WIF1: variants seen among roughly 807,000 people sequenced by gnomAD.
The protein encoded by WIF1 is Wnt inhibitory factor 1.
In WIF1, 35 loss-of-function variants were observed where a neutral mutation model predicts 53.5. The ratio of observed to expected loss-of-function variants is 0.65; its 90% CI spans 0.50 to 0.87. WIF1 has a LOEUF of 0.87. WIF1 is among the 40% of genes least tolerant of loss of function. The pLI, the probability that WIF1 is intolerant of heterozygous loss-of-function variation, is 0.00. For missense variants in WIF1, 467 were observed against 476.8 expected, an observed-to-expected ratio of 0.98 and a Z score of 0.19; for synonymous variants, 171 against 170.4, an observed-to-expected ratio of 1.00 and a Z score of -0.03.
chr12:65,063,905 G>T (rs921661979), intron 6 of WIF1, among the ~76,000 whole-genome samples: 1 of 151,924 alleles, frequency 6.6e-6, no homozygotes, highest in African/African-American at 2.4e-5. Flanking sequence ...CTGTATAGAT[G>T]GAGTCTTGCT....
intron 4 of WIF1, 94 bp downstream of exon 4, chr12:65,068,670 T>C: frequency 5.1e-6 from 7 of 1,362,506 alleles, no homozygotes; most frequent in Non-Finnish European, 2.0e-6. Context: ...TGTGTGTGTG[T>C]GTGTGTGTGT....
chr12:65,071,690 C>A (rs906549495), intron 3 of WIF1, among the ~76,000 whole-genome samples: 2 of 152,048 alleles, frequency 1.3e-5, no homozygotes, highest in Non-Finnish European at 2.9e-5. Flanking sequence ...ATCCCATCAG[C>A]CCAGGTATAT....
chr12:65,057,894 C>A (rs1360463287), intron 7 of WIF1, among the ~76,000 whole-genome samples: 1 of 152,068 alleles, frequency 6.6e-6, no homozygotes, highest in Non-Finnish European at 1.5e-5. Context: ...GGACTTTATT[C>A]ATATATAAGT....
At chr12:65,114,076 A>G (rs796854210) in intron 2 of WIF1, among the ~76,000 whole-genome samples, 1 of 152,220 alleles carries the variant, frequency 6.6e-6, no homozygotes. Flanking sequence ...AATAAGTGTT[A>G]CCATAACTGC....
chr12:65,092,105 A>T (rs1883131391), intron 2 of WIF1, among the ~76,000 whole-genome samples: 1 of 152,188 alleles, frequency 6.6e-6, no homozygotes, highest in Admixed American at 6.6e-5. Context: ...CTATGCAGCC[A>T]TAAAAAAGAA....
chr12:65,071,385 G>T (rs1330742982), intron 3 of WIF1, among the ~76,000 whole-genome samples: 3 of 152,036 alleles, frequency 2.0e-5, no homozygotes, highest in Non-Finnish European at 4.4e-5. Flanking sequence ...GGGAACAAAA[G>T]CGAGGTTGCA....
chr12:65,075,591 A>G lies in WIF1; in HGVS notation c.397+2155T>C, dbSNP rs552192055. On this transcript the variant is annotated intron_variant, in intron 3 of 9. Transcript: ENST00000286574. ...AATCAATTCAACTTCTCATGTAAGA[A>G]AAGTTAATGACTCAAAAATAATTCA... Among the ~76,000 whole-genome samples the G allele has an allele frequency of 3.4e-3, 513 of 152,332 alleles. 2 individuals are homozygous for G. Among genetic ancestry groups the G allele is most frequent in the African/African-American group, 0.012 (495 of 41,582 alleles).
chr12:65,093,746 G>C (rs1883159985), intron 2 of WIF1, among the ~76,000 whole-genome samples: 1 of 152,106 alleles, frequency 6.6e-6, no homozygotes, highest in South Asian at 2.1e-4. Flanking sequence ...TGTGATGAGA[G>C]AAAGTTCCCG....
chr12:65,062,598 G>A (rs182864476), intron 6 of WIF1, 22 bp from the exon 7 acceptor site: 17 of 1,586,600 alleles, frequency 1.1e-5, no homozygotes, highest in Non-Finnish European at 1.5e-5. Flanking sequence ...AGTAACAGGG[G>A]TGTTGCATTA....
rs945096764 is a variant in WIF1 at position 65,055,146 on chromosome 12, T to C, written c.990A>G (p.Glu330=). The change falls in exon 9 of 10, where the codon GAA becomes GAG. Residue 330 remains glutamate (E), a synonymous_variant. Coordinates refer to ENST00000286574, the MANE Select transcript of WIF1 (RefSeq NM_007191.5). The part of the protein sequence containing the change: ...CHEPNKCQCQ[E]GWHGRHCNKR... ...TATTGCAGTGTCTTCCATGCCAACC[T>C]TCTTGACATTGGCATTTGTTGGGTT... 3 of 1,614,094 alleles carry C rather than the reference T, an allele frequency of 1.9e-6. No homozygotes were observed. The highest frequency in any genetic ancestry group is 2.7e-5 in the African/African-American group (2 of 74,942).
At chr12:65,060,110 T>C (rs905435662) in intron 7 of WIF1, among the ~76,000 whole-genome samples, 1 of 151,676 alleles carries the variant, frequency 6.6e-6, no homozygotes, top group Admixed American at 6.6e-5. Flanking sequence ...CTGGTGGGAA[T>C]GTAAAATGAT....
At chr12:65,082,865 C>T (rs758940920) in intron 2 of WIF1, among the ~76,000 whole-genome samples, 3 of 152,120 alleles carry the variant, frequency 2.0e-5, no homozygotes, top group Non-Finnish European at 4.4e-5. Context: ...ATTGTAGGAG[C>T]CTCTGAGTTA....
chr12:65,081,166 G>A (rs549189111), intron 2 of WIF1, among the ~76,000 whole-genome samples: 2 of 151,746 alleles, frequency 1.3e-5, no homozygotes, highest in South Asian at 2.1e-4. Flanking sequence ...TTTCAGTTCC[G>A]TGGCTGATGA....
intron 6 of WIF1, 49 bp downstream of exon 6, chr12:65,066,592 A>G: frequency 6.7e-7 from 1 of 1,500,846 alleles, no homozygotes; most frequent in Middle Eastern, 1.7e-4. Flanking sequence ...TATTCTAATC[A>G]AACATTTTAA....
chr12:65,068,479 T>C (rs1288671709), intron 4 of WIF1, among the ~76,000 whole-genome samples: 1 of 152,054 alleles, frequency 6.6e-6, no homozygotes, highest in Non-Finnish European at 1.5e-5. Context: ...AACAACTGTG[T>C]TGGAGGAGTG....
intron 2 of WIF1, among the ~76,000 whole-genome samples, chr12:65,095,206 A>G (rs1204599917): frequency 6.6e-6 from 1 of 151,246 alleles, no homozygotes; most frequent in Non-Finnish European, 1.5e-5. Flanking sequence ...CCCCCAAAGT[A>G]CTAGGATTAC....
intron 9 of WIF1, among the ~76,000 whole-genome samples, chr12:65,053,215 G>A (rs1882468528): frequency 6.6e-6 from 1 of 152,168 alleles, no homozygotes; most frequent in Non-Finnish European, 1.5e-5. Context: ...ATTTTCCAGA[G>A]GAGCGGCACT....
intron 2 of WIF1, among the ~76,000 whole-genome samples, chr12:65,118,832 C>T (rs1883551556): frequency 6.6e-6 from 1 of 151,490 alleles, no homozygotes; most frequent in Admixed American, 6.6e-5. Flanking sequence ...AACAGACAAA[C>T]ATAAGTGAGA....
chr12:65,081,280 C>T (rs1018601322), intron 2 of WIF1, among the ~76,000 whole-genome samples: 2 of 152,110 alleles, frequency 1.3e-5, no homozygotes, highest in Admixed American at 1.3e-4. Flanking sequence ...TCTTCCATGT[C>T]TCCTTGAAAG....
Sources: gnomAD v4.1 joint callset for allele counts (sites outside exome capture counted in the v4.1 genomes callset) on GRCh38, gnomAD v4.1.1 for gene constraint, MANE v1.5 for transcripts, NCBI Gene and HGNC (gene_info 2026-07-23, HGNC 2026-07-21) for gene names.